Variants in DTHD1 observed in about 807,000 individuals in gnomAD.
DTHD1 encodes the protein death domain containing 1, also known as death domain-containing protein 1.
DTHD1 carries 59 observed loss-of-function variants against 74.8 expected under a neutral mutation model. The observed-to-expected ratio is 0.79, with a 90% CI of 0.64 to 0.98. The LOEUF is 0.98. Ranked by LOEUF, DTHD1 falls within the 50% of genes least tolerant of loss-of-function variation. The pLI is 0.00. For synonymous variants in DTHD1, 365 were observed against 371.1 expected (o/e 0.98, Z 0.19); for missense variants, 1,051 against 1,065.4 (o/e 0.99, Z 0.19).
chr4:36,299,928 C>T (rs147742338), intron 5 of DTHD1, among the ~76,000 whole-genome samples: 4 of 152,158 alleles, frequency 2.6e-5, no homozygotes, highest in African/African-American at 9.6e-5. Flanking sequence ...TGAGATCATG[C>T]CACTACACTC....
At chr4:36,320,678 A>T (rs1311374119) in intron 8 of DTHD1, among the ~76,000 whole-genome samples, 1 of 152,234 alleles carries the variant, frequency 6.6e-6, no homozygotes, top group Non-Finnish European at 1.5e-5. Flanking sequence ...TTTTCAAACT[A>T]GTATAACTAA....
chr4:36,321,616 G>T (rs1482234783), intron 8 of DTHD1, among the ~76,000 whole-genome samples: 1 of 152,084 alleles, frequency 6.6e-6, no homozygotes, highest in Non-Finnish European at 1.5e-5. Context: ...AATAATAATA[G>T]AAATAAAGAG....
At chr4:36,331,622 G>C (rs986506393) in intron 8 of DTHD1, among the ~76,000 whole-genome samples, 1 of 152,124 alleles carries the variant, frequency 6.6e-6, no homozygotes, top group Admixed American at 6.6e-5. Flanking sequence ...TGAGGTTAGG[G>C]CAGCTGGATG....
intron 5 of DTHD1, among the ~76,000 whole-genome samples, chr4:36,303,504 T>G (rs1252113197): frequency 1.3e-5 from 2 of 152,254 alleles, no homozygotes; most frequent in Non-Finnish European, 1.5e-5. Context: ...GTCTCTCTTC[T>G]TCATCTCTAT....
At position 36,316,360 on chromosome 4, in the gene DTHD1, C is replaced by T. The variant is rs1757731774; in HGVS notation, c.2214C>T (p.Tyr738=). 1 of 1,552,156 alleles carries T rather than the reference C, an allele frequency of 6.4e-7. No homozygotes were observed. Among genetic ancestry groups the T allele is most frequent in the Non-Finnish European group, 8.7e-7 (1 of 1,147,068 alleles). The part of the protein sequence containing the change: ...DEFGNYSCPH[Y]KGTIVVYKVP... The stretch of plus-strand genomic sequence containing the variant: ...TTGGAAACTATAGTTGCCCTCATTA[C>T]AAAGGCACCATTGTCGTTTATAAAG... The change falls in exon 8 of 10, where the codon TAC becomes TAT. Residue 738 remains tyrosine (Y), a synonymous_variant. Transcript: ENST00000639862.
intron 2 of DTHD1, among the ~76,000 whole-genome samples, chr4:36,289,139 T>C (rs1275741212): frequency 6.6e-6 from 1 of 152,188 alleles, no homozygotes; most frequent in Non-Finnish European, 1.5e-5. Context: ...GAGCTGGACA[T>C]TAATGCTATG....
At chr4:36,307,176 A>G (rs1339012296) in intron 6 of DTHD1, among the ~76,000 whole-genome samples, 1 of 152,190 alleles carries the variant, frequency 6.6e-6, no homozygotes, top group Non-Finnish European at 1.5e-5. Flanking sequence ...CAGTCCAGGG[A>G]AAGAGGTCTG....
chr4:36,346,213 C>T lies in DTHD1; in HGVS notation c.*2389C>T, dbSNP rs1207385303. Reference sequence around the variant, plus strand: ...CCTCCACATTTCATATACGCATACACTCATTAATATGCCTCCCCCACAGAC... The same window carrying T: ...CCTCCACATTTCATATACGCATACATTCATTAATATGCCTCCCCCACAGAC... On this transcript the variant is annotated 3_prime_UTR_variant, in exon 10 of 10. Coordinates refer to ENST00000639862, the MANE Select transcript of DTHD1 (RefSeq NM_001170700.3). 2.0e-5 allele frequency among the ~76,000 whole-genome samples: 3 copies of T among 151,886 alleles called. No individual in the cohort carries two copies. Among genetic ancestry groups the T allele is most frequent in the African/African-American group, 7.3e-5 (3 of 41,344 alleles).
rs899108574 is a variant in DTHD1, at chr4:36,331,087, T to A, written c.2341-8025T>A. ...TACATGAAGACATTCTAATAGGTGA[T>A]TGTTGTGATGTCTGTGTAGGATTTT... On this transcript the variant is annotated intron_variant, in intron 8 of 9. Transcript: ENST00000639862. Among the ~76,000 whole-genome samples, 4 of 152,228 alleles carry A rather than the reference T, an allele frequency of 2.6e-5. No individual in the cohort carries two copies. The South Asian group carries it at 8.3e-4, about 32-fold the overall frequency.
intron 5 of DTHD1, among the ~76,000 whole-genome samples, chr4:36,297,641 GC>G (rs1756513292): frequency 6.6e-6 from 1 of 152,090 alleles, no homozygotes; most frequent in Non-Finnish European, 1.5e-5. Context: ...GGCCAGTGAT[GC>G]CCTTCTGAGA....
intron 8 of DTHD1, among the ~76,000 whole-genome samples, chr4:36,338,042 A>G (rs899225756): frequency 6.6e-6 from 1 of 152,220 alleles, no homozygotes; most frequent in Non-Finnish European, 1.5e-5. Context: ...CTGGCATTTT[A>G]TCAGGTGTAG....
intron 8 of DTHD1, among the ~76,000 whole-genome samples, chr4:36,329,828 C>T: frequency 6.6e-6 from 1 of 152,140 alleles, no homozygotes; most frequent in East Asian, 1.9e-4. Context: ...TTCTTTTTGA[C>T]AGAGAATAGC....
intron 3 of DTHD1, among the ~76,000 whole-genome samples, chr4:36,292,750 G>C (rs1352226640): frequency 6.6e-6 from 1 of 152,186 alleles, no homozygotes; most frequent in African/African-American, 2.4e-5. Context: ...GATTATCCAC[G>C]CATGCTGGGG....
rs1755593837 is a variant in DTHD1, at chr4:36,284,566, C to T, written c.862C>T (p.His288Tyr). The T allele has an allele frequency of 1.3e-6, 2 of 1,523,108 alleles. No homozygotes were observed. The highest frequency in any genetic ancestry group is 1.8e-6 in the Non-Finnish European group (2 of 1,141,538). 94.3% of individuals were successfully genotyped at this position (1,523,108 alleles called of 1,614,324 possible). The change falls in exon 2 of 10, where the codon CAC becomes TAC. Residue 288 changes from histidine to tyrosine, a missense_variant. Physicochemically the swap from His to Tyr is moderately conservative, Grantham distance 83. Transcript: ENST00000639862. ...TLPNDSENIKHKNNIMEKEYL... is the reference protein window; with the variant it reads ...TLPNDSENIKYKNNIMEKEYL... Reference sequence around the variant, plus strand: ...TCCCAATGATTCAGAGAATATAAAGCACAAGAATAACATAATGGAAAAGGA... The same window carrying T: ...TCCCAATGATTCAGAGAATATAAAGTACAAGAATAACATAATGGAAAAGGA...
chr4:36,310,077 A>G (rs1757307765), intron 7 of DTHD1, among the ~76,000 whole-genome samples: 1 of 152,204 alleles, frequency 6.6e-6, no homozygotes, highest in African/African-American at 2.4e-5. Context: ...TATATGTACC[A>G]CATTTTCTTT....
At chr4:36,310,691 G>C (rs1288897379) in intron 7 of DTHD1, among the ~76,000 whole-genome samples, 1 of 152,166 alleles carries the variant, frequency 6.6e-6, no homozygotes, top group African/African-American at 2.4e-5. Context: ...AAGGGACAAG[G>C]CTTGAAGCTG....
At chr4:36,318,612 C>CTT (rs397992934) in intron 8 of DTHD1, among the ~76,000 whole-genome samples, 3,692 of 111,692 alleles carry the variant, frequency 0.033, 190 homozygotes, top group Middle Eastern at 0.054. Context: ...TTTTTCTTTT[C>CTT]TTTTTTTTTT....
At position 36,293,508 on chromosome 4, in the gene DTHD1, G is replaced by T. The variant is rs75643493; in HGVS notation, c.1219-18G>T. On this transcript the variant is annotated intron_variant, in intron 3 of 9. Coordinates refer to ENST00000639862, the MANE Select transcript of DTHD1 (RefSeq NM_001170700.3). ...AATCAGTGCTATAGCTTATTTTAAT[G>T]TTCTTTATTCTATACAGGGGACCTG... is the stretch of plus-strand genomic sequence containing the variant. 2.7e-3 allele frequency: 3,930 copies of T among 1,477,452 alleles called. 78 individuals are homozygous for T. The African/African-American group carries it at 0.05, about 19-fold the overall frequency. The allele number at this position is 1,477,452 out of a possible 1,614,324, so 91.5% of individuals were successfully genotyped here.
chr4:36,305,631 A>C (rs1383029255), intron 5 of DTHD1, among the ~76,000 whole-genome samples: 1 of 152,210 alleles, frequency 6.6e-6, no homozygotes, highest in Non-Finnish European at 1.5e-5. Flanking sequence ...ATAGGTAAGA[A>C]AACAGACAGA....
Sources: allele counts gnomAD v4.1 joint callset (sites outside exome capture counted in the v4.1 genomes callset), GRCh38; gene constraint gnomAD v4.1.1; transcripts MANE v1.5; gene names NCBI Gene and HGNC (gene_info 2026-07-23, HGNC 2026-07-21).